The following CAB39 variants were observed in gnomAD, a reference collection of about 807,000 sequenced individuals.
The protein encoded by CAB39 is calcium binding protein 39.
A neutral mutation model predicts 40.0 loss-of-function variants in CAB39; 8 were observed. That is an observed-to-expected ratio of 0.20 (90% CI 0.12 to 0.36). CAB39 has a LOEUF of 0.36. CAB39 is among the 10% of genes least tolerant of loss of function. The pLI is 1.00. For missense variants in CAB39, 270 were observed against 401.1 expected (o/e 0.67, Z 2.79); for synonymous variants, 156 against 141.6 (o/e 1.10, Z -0.72).
rs757695698 is a variant in CAB39 at position 230,760,079 on chromosome 2, G to T, written c.78G>T (p.Leu26=). Residue 26 remains leucine, a synonymous_variant, in exon 2 of 9, where the codon CTG becomes CTT. Coordinates refer to ENST00000258418, the MANE Select transcript of CAB39 (RefSeq NM_016289.4). ...ATCTGAAGGAGAGCATGGCTGTTCTGGAAAAGCAAGACATTTCTGATAAAA... is the reference window on the plus strand; with the variant it reads ...ATCTGAAGGAGAGCATGGCTGTTCTTGAAAAGCAAGACATTTCTGATAAAA... ...VKNLKESMAV[L]EKQDISDKKA... 6.2e-7 allele frequency: 1 copy of T among 1,612,742 alleles called. No homozygotes were observed. The highest frequency in any genetic ancestry group is 2.2e-5 in the East Asian group (1 of 44,876).
chr2:230,761,888 T>TTTGTTGTTGTTGTTG (rs55722046), intron 2 of CAB39, among the ~76,000 whole-genome samples: 7 of 149,956 alleles, frequency 4.7e-5, no homozygotes, highest in South Asian at 2.1e-4. Flanking sequence ...TTGTTTTTTA[T>TTTGTTGTTGTTGTTG]TTGTTGTTGT....
chr2:230,783,266 C>G (rs945489324), intron 2 of CAB39, among the ~76,000 whole-genome samples: 3 of 152,176 alleles, frequency 2.0e-5, no homozygotes, highest in African/African-American at 4.8e-5. Context: ...AGTGAAATGG[C>G]CAGCATTGAA....
At chr2:230,788,054 T>C (rs747860643) in intron 2 of CAB39, among the ~76,000 whole-genome samples, 6 of 152,242 alleles carry the variant, frequency 3.9e-5, no homozygotes, top group Non-Finnish European at 8.8e-5. Context: ...ACCATGAGAC[T>C]ATATGATCCT....
At position 230,788,467 on chromosome 2, in the gene CAB39, A is replaced by G. The variant is rs144876195; in HGVS notation, c.115-2405A>G. ...TTGTTATTTTTGCTTTAAAGAGCCA[A>G]TTCTCTTTTAAATAAAAGGGAAAAT... On this transcript the variant is annotated intron_variant, in intron 2 of 8. Coordinates refer to ENST00000258418, the MANE Select transcript of CAB39 (RefSeq NM_016289.4). Among the ~76,000 whole-genome samples, 682 of 152,236 alleles carry G rather than the reference A, an allele frequency of 4.5e-3. 2 individuals are homozygous for G. Among genetic ancestry groups the G allele is most frequent in the Admixed American group, 7.5e-3 (115 of 15,298 alleles).
At chr2:230,809,648 AGGGTT>A (rs1696270340) in intron 5 of CAB39, among the ~76,000 whole-genome samples, 1 of 152,226 alleles carries the variant, frequency 6.6e-6, no homozygotes, top group South Asian at 2.1e-4. Flanking sequence ...GGTGAGGCAT[AGGGTT>A]CTGTTTCATG....
intron 8 of CAB39, 58 bp from the exon 9 acceptor site, chr2:230,818,458 C>T (rs1696443518): frequency 7.2e-7 from 1 of 1,390,386 alleles, no homozygotes; most frequent in Non-Finnish European, 1.0e-6. Context: ...GGCCGCAGCT[C>T]AGGTGTGGCT....
chr2:230,791,895 A>G (rs760862433), intron 3 of CAB39, among the ~76,000 whole-genome samples: 2 of 152,218 alleles, frequency 1.3e-5, no homozygotes, highest in Non-Finnish European at 2.9e-5. Flanking sequence ...GCGCTGTGGC[A>G]TGGCCATGCC....
intron 5 of CAB39, among the ~76,000 whole-genome samples, chr2:230,807,597 A>G (rs538240667): frequency 3.8e-4 from 58 of 152,252 alleles, no homozygotes; most frequent in African/African-American, 1.4e-3. Context: ...ATGGTAACAC[A>G]TAGAATCTCC....
At chr2:230,732,746 A>T (rs558398912) in intron 1 of CAB39, among the ~76,000 whole-genome samples, 1 of 152,310 alleles carries the variant, frequency 6.6e-6, no homozygotes, top group South Asian at 2.1e-4. Context: ...TGAGAGCAGG[A>T]TGGGATAAAT....
At chr2:230,739,740 C>T (rs1415556238) in intron 1 of CAB39, among the ~76,000 whole-genome samples, 1 of 152,210 alleles carries the variant, frequency 6.6e-6, no homozygotes, top group African/African-American at 2.4e-5. Flanking sequence ...GTGATCCGCC[C>T]ACCTCGGCCT....
chr2:230,799,054 A>G (rs1280489858), intron 5 of CAB39, 157 bp downstream of exon 5: 8 of 547,834 alleles, frequency 1.5e-5, no homozygotes, highest in Non-Finnish European at 2.5e-5. Flanking sequence ...TATATGCAGT[A>G]AAGTCACAGC....
chr2:230,748,868 A>ATATATAAC (rs1553669218), intron 1 of CAB39, among the ~76,000 whole-genome samples: 1 of 123,404 alleles, frequency 8.1e-6, no homozygotes, highest in Non-Finnish European at 1.7e-5. Context: ...ATATATATAT[A>ATATATAAC]ACAAAATGGT....
chr2:230,774,544 C>A (rs933435336), intron 2 of CAB39, among the ~76,000 whole-genome samples: 1 of 152,176 alleles, frequency 6.6e-6, no homozygotes, highest in Non-Finnish European at 1.5e-5. Flanking sequence ...GGACTATTTA[C>A]GCACTCTTCG....
At chr2:230,797,237 C>T (rs1278164821) in intron 4 of CAB39, among the ~76,000 whole-genome samples, 3 of 151,994 alleles carry the variant, frequency 2.0e-5, no homozygotes, top group African/African-American at 7.3e-5. Context: ...GCTTTTGAAG[C>T]CTGACATTGA....
intron 1 of CAB39, among the ~76,000 whole-genome samples, chr2:230,740,185 C>T (rs1575912335): frequency 6.6e-6 from 1 of 152,016 alleles, no homozygotes; most frequent in Admixed American, 6.6e-5. Context: ...CTGGTGGCCT[C>T]GTGGTTATTT....
chr2:230,762,470 G>C (rs372255775), intron 2 of CAB39, among the ~76,000 whole-genome samples: 1 of 152,176 alleles, frequency 6.6e-6, no homozygotes. Flanking sequence ...TTTGCACCAG[G>C]TGGAGGCAGC....
Position 230,725,089 on chromosome 2 carries a change from A to G in CAB39, c.-44+11859A>G, listed in dbSNP as rs111603969. On this transcript the variant is annotated intron_variant, in intron 1 of 8. Transcript: ENST00000258418. Reference sequence around the variant, plus strand: ...CGTAGAGGACAGGGGAGGAGTCCCTACTCGGCTGCAAACTCTGGTTGAGGG... The same window carrying G: ...CGTAGAGGACAGGGGAGGAGTCCCTGCTCGGCTGCAAACTCTGGTTGAGGG... 14 of 1,581,620 alleles carry G rather than the reference A, an allele frequency of 8.9e-6. 1 individual carries two copies. Among genetic ancestry groups the G allele is most frequent in the African/African-American group, 5.4e-5 (4 of 74,304 alleles).
intron 1 of CAB39, among the ~76,000 whole-genome samples, chr2:230,739,988 A>G (rs569704576): frequency 4.6e-5 from 7 of 152,358 alleles, no homozygotes; most frequent in African/African-American, 1.7e-4. Context: ...TAGTATTTAC[A>G]AGGAAGGGAA....
chr2:230,746,367 C>CT (rs1694976580), intron 1 of CAB39, among the ~76,000 whole-genome samples: 1 of 152,166 alleles, frequency 6.6e-6, no homozygotes, highest in African/African-American at 2.4e-5. Context: ...TGTAACACAC[C>CT]TTAATCAATG....
Sources: allele counts gnomAD v4.1 joint callset (sites outside exome capture counted in the v4.1 genomes callset), GRCh38; gene constraint gnomAD v4.1.1; transcripts MANE v1.5; gene names NCBI Gene and HGNC (gene_info 2026-07-23, HGNC 2026-07-21).